The following PKHD1 variants were observed in gnomAD, a reference collection of about 807,000 sequenced individuals.
The protein encoded by PKHD1 is PKHD1 ciliary IPT domain containing fibrocystin/polyductin.
Under a neutral mutation model 412.0 loss-of-function variants are expected in PKHD1, and 291 were observed. The ratio of observed to expected loss-of-function variants is 0.71; its 90% CI spans 0.64 to 0.78. The LOEUF is 0.78. PKHD1 is among the 30% of genes least tolerant of loss of function. The probability of loss-of-function intolerance (pLI) is 0.00; values close to 1 mark genes in which losing one functional copy is unlikely to be tolerated. For synonymous variants in PKHD1, 1,777 were observed against 1,821.5 expected (o/e 0.98, Z 0.62); for missense variants, 4,825 against 4,950.7 (o/e 0.97, Z 0.76).
chr6:51,860,470 C>A (rs927903656), intron 48 of PKHD1, among the ~76,000 whole-genome samples: 3 of 152,176 alleles, frequency 2.0e-5, no homozygotes, highest in African/African-American at 7.2e-5. Flanking sequence ...CCAATTTCCC[C>A]ATGCCCTAAA....
At chr6:51,919,310 G>A (rs1729498684) in intron 37 of PKHD1, among the ~76,000 whole-genome samples, 1 of 152,150 alleles carries the variant, frequency 6.6e-6, no homozygotes, top group Non-Finnish European at 1.5e-5. Flanking sequence ...TTTGTATAAG[G>A]TGTAAGGAAG....
intron 60 of PKHD1, among the ~76,000 whole-genome samples, chr6:51,661,085 G>T (rs1051439294): frequency 1.3e-5 from 2 of 152,086 alleles, no homozygotes; most frequent in African/African-American, 2.4e-5. Flanking sequence ...AGGGATTTAG[G>T]AACTGTGTAT....
intron 37 of PKHD1, among the ~76,000 whole-genome samples, chr6:51,918,541 T>G (rs963098828): frequency 6.6e-6 from 1 of 152,344 alleles, no homozygotes; most frequent in East Asian, 1.9e-4. Flanking sequence ...TTTTTATGGC[T>G]GCATAGTATT....
At chr6:52,011,752 A>G (rs141662912) in intron 34 of PKHD1, among the ~76,000 whole-genome samples, 115 of 152,342 alleles carry the variant, frequency 7.5e-4, no homozygotes, top group African/African-American at 2.6e-3. Flanking sequence ...TCTTCATGCT[A>G]AAATATTCTC....
intron 52 of PKHD1, among the ~76,000 whole-genome samples, chr6:51,826,008 G>GT (rs1161268044): frequency 6.6e-6 from 1 of 152,032 alleles, no homozygotes; most frequent in African/African-American, 2.4e-5. Context: ...CTATAATTCA[G>GT]TATGAAATAC....
At position 51,856,068 on chromosome 6, in the gene PKHD1, G is replaced by C; in HGVS notation, c.7736C>G (p.Ala2579Gly). The C allele has an allele frequency of 6.3e-7, 1 of 1,590,512 alleles. No homozygotes were observed. The highest frequency in any genetic ancestry group is 8.6e-7 in the Non-Finnish European group (1 of 1,159,368). ...ATCATAAGAAACTTCAGGAGTATTCGCTCTAAGGTGATTTTAAAAGGAAAA... is the reference window on the plus strand; with the variant it reads ...ATCATAAGAAACTTCAGGAGTATTCCCTCTAAGGTGATTTTAAAAGGAAAA... ...VLFHRMSIGL[A>G]NTPEVSYDLT... is the part of the protein sequence containing the mutation. Residue 2579 changes from alanine to glycine, a missense_variant and splice_region_variant, in exon 49 of 67, where the codon GCG becomes GGG. Physicochemically the swap from Ala to Gly is moderately conservative, Grantham distance 60 (BLOSUM62 0). Coordinates refer to ENST00000371117, the MANE Select transcript of PKHD1 (RefSeq NM_138694.4).
At chr6:51,683,099 C>A (rs1056338486) in intron 60 of PKHD1, among the ~76,000 whole-genome samples, 41 of 151,926 alleles carry the variant, frequency 2.7e-4, no homozygotes, top group African/African-American at 9.2e-4. Flanking sequence ...GTCAGTTGAA[C>A]AAATCAACTA....
chr6:51,984,207 C>T lies in PKHD1; in HGVS notation c.5752-24181G>A, dbSNP rs964476681. ...GGTAATGCCATTAAAATTATCCTTT[C>T]CCAAAAGAGAACACAGTGACTAGAT... On this transcript the variant is annotated intron_variant, in intron 35 of 66. Coordinates refer to ENST00000371117, the MANE Select transcript of PKHD1 (RefSeq NM_138694.4). Among the ~76,000 whole-genome samples, 11 of 152,188 alleles carry T rather than the reference C, an allele frequency of 7.2e-5. No individual in the cohort carries two copies. In the South Asian group the frequency reaches 2.1e-3, roughly 29 times the overall value.
intron 60 of PKHD1, among the ~76,000 whole-genome samples, chr6:51,689,668 T>C (rs1369172228): frequency 6.6e-6 from 1 of 152,186 alleles, no homozygotes; most frequent in East Asian, 1.9e-4. Flanking sequence ...AAAATCAATG[T>C]GCAAAAATCA....
In PKHD1 at chr6:52,071,043, A is replaced by C. The variant is rs950789431; in HGVS notation, c.630T>G (p.Leu210=). 6 of 1,607,122 alleles carry C rather than the reference A, an allele frequency of 3.7e-6. No individual in the cohort carries two copies. The African/African-American group carries it at 8.0e-5, about 22-fold the overall frequency. ...CTTCCACATGGCACTGCAGAGTCCC[A>C]AGACCATGGTCCTCCTGAATAGGAT... The part of the protein sequence containing the change: ...SCYPIQEDHG[L]GTLQCHVEGD... Residue 210 remains leucine, a synonymous_variant, in exon 9 of 67, where the codon CTT becomes CTG. Transcript: ENST00000371117.
intron 35 of PKHD1, among the ~76,000 whole-genome samples, chr6:52,001,630 A>G (rs1798409753): frequency 6.6e-6 from 1 of 151,940 alleles, no homozygotes; most frequent in Non-Finnish European, 1.5e-5. Context: ...ACGGGGTTTC[A>G]CCGTGTTAGC....
At chr6:51,982,637 T>C (rs1387690772) in intron 35 of PKHD1, among the ~76,000 whole-genome samples, 1 of 147,874 alleles carries the variant, frequency 6.8e-6, no homozygotes, top group Admixed American at 6.7e-5. Context: ...TCATCACCAC[T>C]CCCTAATCTT....
At chr6:51,834,718 C>T (rs1768886876) in intron 51 of PKHD1, among the ~76,000 whole-genome samples, 1 of 152,142 alleles carries the variant, frequency 6.6e-6, no homozygotes, top group Admixed American at 6.6e-5. Flanking sequence ...TTTAAAATTT[C>T]CTCCTGATGA....
intron 37 of PKHD1, 94 bp downstream of exon 37, chr6:51,934,016 A>G: frequency 1.1e-6 from 1 of 950,938 alleles, no homozygotes; most frequent in Non-Finnish European, 1.7e-6. Flanking sequence ...TGGTTGGCTC[A>G]GCAACTATAG....
chr6:51,754,498 C>T (rs1455322395), intron 56 of PKHD1, among the ~76,000 whole-genome samples: 1 of 152,182 alleles, frequency 6.6e-6, no homozygotes, highest in Non-Finnish European at 1.5e-5. Flanking sequence ...TGACCTTGAA[C>T]AAGACTCTCA....
intron 37 of PKHD1, among the ~76,000 whole-genome samples, chr6:51,932,515 G>A (rs1027324177): frequency 6.6e-6 from 1 of 152,138 alleles, no homozygotes; most frequent in Non-Finnish European, 1.5e-5. Flanking sequence ...TTATTCCCCA[G>A]ATGCACTTTT....
intron 50 of PKHD1, among the ~76,000 whole-genome samples, chr6:51,840,750 A>C (rs1406429096): frequency 6.6e-6 from 1 of 152,142 alleles, no homozygotes; most frequent in African/African-American, 2.4e-5. Flanking sequence ...GTTCTTACCA[A>C]GTAAAGAGCG....
intron 52 of PKHD1, among the ~76,000 whole-genome samples, chr6:51,814,488 G>A (rs1355684782): frequency 6.6e-6 from 1 of 152,150 alleles, no homozygotes; most frequent in African/African-American, 2.4e-5. Flanking sequence ...AATGAGAAAA[G>A]GTAACCTCTG....
intron 50 of PKHD1, among the ~76,000 whole-genome samples, chr6:51,843,184 TA>T (rs964053087): frequency 2.0e-5 from 3 of 152,248 alleles, no homozygotes; most frequent in Non-Finnish European, 4.4e-5. Context: ...TGCCTGGGCC[TA>T]AATTTGGAAT....
Sources: gnomAD v4.1 joint callset for allele counts (sites outside exome capture counted in the v4.1 genomes callset) on GRCh38, gnomAD v4.1.1 for gene constraint, MANE v1.5 for transcripts, NCBI Gene and HGNC (gene_info 2026-07-23, HGNC 2026-07-21) for gene names.